The following IL1RAP variants were observed in gnomAD, a reference collection of about 807,000 sequenced individuals.
IL1RAP encodes interleukin-1 receptor accessory protein.
Under a neutral mutation model 60.7 loss-of-function variants are expected in IL1RAP, and 35 were observed. That is an observed-to-expected ratio of 0.58 (90% CI 0.44 to 0.76). IL1RAP has a LOEUF of 0.76. Among genes scored for constraint, IL1RAP ranks in the 30% least tolerant of loss-of-function variants. The pLI is 0.00. For missense variants in IL1RAP, 572 were observed against 693.9 expected (o/e 0.82, Z 1.97); for synonymous variants, 268 against 250.9 (o/e 1.07, Z -0.64).
chr3:190,654,229 C>CACACACACAA (rs932868449), downstream of IL1RAP, among the ~76,000 whole-genome samples: 1 of 150,212 alleles, frequency 6.7e-6, no homozygotes, highest in Non-Finnish European at 1.5e-5. Context: ...CACACACACA[C>CACACACACAA]AATTTGCATG....
chr3:190,535,813 T>A (rs1723414453), intron 1 of IL1RAP, among the ~76,000 whole-genome samples: 1 of 152,182 alleles, frequency 6.6e-6, no homozygotes. Flanking sequence ...TGTCCTTTTG[T>A]TTTTCTGTCT....
Position 190,649,899 on chromosome 3 carries a change from TAC to T in IL1RAP, c.*1196_*1197del, listed in dbSNP as rs920634458. On this transcript the variant is annotated 3_prime_UTR_variant, in exon 12 of 12. Transcript: ENST00000447382. ...GACTTGGAAAACTAAGTGCAGAGTTTACAGAGTGGTAAATATCTATGTTACAT... is the reference window on the plus strand; with the variant it reads ...GACTTGGAAAACTAAGTGCAGAGTTTAGAGTGGTAAATATCTATGTTACAT... The T allele has an allele frequency of 4.1e-6, 4 of 977,986 alleles. No homozygotes were observed. The African/African-American group carries it at 7.0e-5, about 17-fold the overall frequency. The allele number at this position is 977,986 out of a possible 1,614,324, so 60.6% of individuals were successfully genotyped here. A position where few individuals can be genotyped will look rare whatever the true frequency, so the allele number is the denominator to read the frequency against.
chr3:190,592,101 C>T (rs1458983058), intron 3 of IL1RAP, among the ~76,000 whole-genome samples: 1 of 152,216 alleles, frequency 6.6e-6, no homozygotes, highest in African/African-American at 2.4e-5. Context: ...CTCACTGAAA[C>T]ATCTGCCTCC....
chr3:190,648,877 C>G lies in IL1RAP; in HGVS notation c.*172C>G. 7.1e-7 allele frequency: 1 copy of G among 1,405,504 alleles called. No individual in the cohort carries two copies. Among genetic ancestry groups the G allele is most frequent in the Non-Finnish European group, 9.2e-7 (1 of 1,082,440 alleles). 87.1% of individuals were successfully genotyped at this position (1,405,504 alleles called of 1,614,324 possible). A position where few individuals can be genotyped will look rare whatever the true frequency, so the allele number is the denominator to read the frequency against. On this transcript the variant is annotated 3_prime_UTR_variant, in exon 12 of 12. Coordinates refer to ENST00000447382, the MANE Select transcript of IL1RAP (RefSeq NM_002182.4). ...GACTATTCTGCTTCCTCAGGCAACA[C>G]TAAAGTTTAGAAAGATATCATCAAC... is the stretch of plus-strand genomic sequence containing the variant.
intron 3 of IL1RAP, among the ~76,000 whole-genome samples, chr3:190,595,287 G>A (rs1221270894): frequency 6.6e-6 from 1 of 152,144 alleles, no homozygotes; most frequent in African/African-American, 2.4e-5. Context: ...ATCAAAGTCC[G>A]CCTTGGAATT....
intron 9 of IL1RAP, among the ~76,000 whole-genome samples, chr3:190,635,767 T>C (rs1366115346): frequency 1.3e-5 from 2 of 152,194 alleles, no homozygotes; most frequent in Non-Finnish European, 2.9e-5. Flanking sequence ...TAAGTTTAGC[T>C]AATGTAAAAA....
At chr3:190,544,472 G>A (rs1368615625) in intron 1 of IL1RAP, among the ~76,000 whole-genome samples, 1 of 152,128 alleles carries the variant, frequency 6.6e-6, no homozygotes, top group African/African-American at 2.4e-5. Context: ...TTAGAAAATT[G>A]ATTTGAATTT....
intron 3 of IL1RAP, among the ~76,000 whole-genome samples, chr3:190,582,194 A>G (rs1050610527): frequency 4.6e-5 from 7 of 151,628 alleles, no homozygotes. Context: ...TTTCCTTTCT[A>G]TTTCTTTACA....
Position 190,573,887 on chromosome 3 carries a change from C to A in IL1RAP, c.64+9534C>A, listed in dbSNP as rs146345079. Reference sequence around the variant, plus strand: ...CATTCTTTGAATCAAGGATTATATTCATATAATATTATATTCATTTCTGAA... The same window carrying A: ...CATTCTTTGAATCAAGGATTATATTAATATAATATTATATTCATTTCTGAA... On this transcript the variant is annotated intron_variant, in intron 3 of 11. Transcript: ENST00000447382. Among the ~76,000 whole-genome samples, 17 of 152,240 alleles carry A rather than the reference C, an allele frequency of 1.1e-4. 1 individual carries two copies. Among genetic ancestry groups the A allele is most frequent in the Admixed American group, 1.0e-3 (16 of 15,292 alleles).
chr3:190,545,782 A>T (rs929338553), intron 1 of IL1RAP, among the ~76,000 whole-genome samples: 3 of 152,122 alleles, frequency 2.0e-5, no homozygotes, highest in Admixed American at 6.5e-5. Flanking sequence ...GGATCTGGAG[A>T]TCTCTTTAGG....
intron 1 of IL1RAP, among the ~76,000 whole-genome samples, chr3:190,522,475 A>G (rs980205220): frequency 2.6e-5 from 4 of 151,068 alleles, no homozygotes; most frequent in African/African-American, 9.8e-5. Context: ...CTATTTATTA[A>G]TAAGGTTCAA....
At chr3:190,515,692 G>C (rs562637905) in intron 1 of IL1RAP, among the ~76,000 whole-genome samples, 2 of 152,126 alleles carry the variant, frequency 1.3e-5, no homozygotes, top group South Asian at 4.2e-4. Context: ...AGAGGGTCTT[G>C]AAATGGGTGA....
At chr3:190,531,105 G>A (rs1040545331) in intron 1 of IL1RAP, among the ~76,000 whole-genome samples, 2 of 151,908 alleles carry the variant, frequency 1.3e-5, no homozygotes, top group East Asian at 1.9e-4. Context: ...TCCATTCATC[G>A]CTGGGCCCTG....
At chr3:190,572,225 G>A (rs986922000) in intron 3 of IL1RAP, among the ~76,000 whole-genome samples, 2 of 152,064 alleles carry the variant, frequency 1.3e-5, no homozygotes, top group Admixed American at 1.3e-4. Context: ...GATTTTTAGA[G>A]TGAAAACATT....
rs374972331 is a variant in IL1RAP, at chr3:190,564,388, C to G, written c.64+35C>G. 1,449 of 1,391,594 alleles carry G rather than the reference C, an allele frequency of 1.0e-3. 2 individuals are homozygous for G. Among genetic ancestry groups the G allele is most frequent in the Non-Finnish European group, 1.4e-3 (1,327 of 977,592 alleles). 86.2% of individuals were successfully genotyped at this position (1,391,594 alleles called of 1,614,324 possible). ...TGGCTTTTGACAATGTATTAAAATG[C>G]AAGTCATGCGTAGGGTAATGAGTCC... On this transcript the variant is annotated intron_variant, in intron 3 of 11. Coordinates refer to ENST00000447382, the MANE Select transcript of IL1RAP (RefSeq NM_002182.4).
downstream of IL1RAP, among the ~76,000 whole-genome samples, chr3:190,652,166 T>TA (rs554595428): frequency 5.7e-4 from 84 of 148,268 alleles, 1 homozygote; most frequent in East Asian, 2.0e-3. Context: ...CTTTTTGCTT[T>TA]AAAAAAAAAA....
intron 3 of IL1RAP, among the ~76,000 whole-genome samples, chr3:190,582,646 T>A (rs1728107827): frequency 6.6e-6 from 1 of 152,290 alleles, no homozygotes; most frequent in South Asian, 2.1e-4. Context: ...AGTAGCCTCA[T>A]AATTAGCTGT....
intron 8 of IL1RAP, among the ~76,000 whole-genome samples, chr3:190,627,901 C>T (rs1262897808): frequency 6.6e-6 from 1 of 151,988 alleles, no homozygotes; most frequent in East Asian, 1.9e-4. Flanking sequence ...TGTATTTGTG[C>T]CTTAGGTAAT....
chr3:190,608,885 A>G, intron 4 of IL1RAP, 110 bp from the exon 5 acceptor site: 1 of 750,854 alleles, frequency 1.3e-6, no homozygotes, highest in Non-Finnish European at 2.2e-6. Context: ...ACTTACATGT[A>G]TAAATGATGT....
Sources: gnomAD v4.1 joint callset for allele counts (sites outside exome capture counted in the v4.1 genomes callset) on GRCh38, gnomAD v4.1.1 for gene constraint, MANE v1.5 for transcripts, NCBI Gene and HGNC (gene_info 2026-07-23, HGNC 2026-07-21) for gene names.